The following CYFIP2 variants were observed in gnomAD, a reference collection of about 807,000 sequenced individuals.
CYFIP2 encodes the protein cytoplasmic FMR1 interacting protein 2.
In CYFIP2, 29 loss-of-function variants were observed where a neutral mutation model predicts 158.7. The ratio of observed to expected loss-of-function variants is 0.18; its 90% CI spans 0.14 to 0.25. The LOEUF (loss-of-function observed/expected upper bound fraction) is 0.25. Among genes scored for constraint, CYFIP2 ranks in the 10% least tolerant of loss-of-function variants. The pLI is 1.00. For missense variants in CYFIP2, 852 were observed against 1,639.5 expected, an observed-to-expected ratio of 0.52 and a Z score of 8.29; for synonymous variants, 585 against 617.6, an observed-to-expected ratio of 0.95 and a Z score of 0.78.
chr5:157,378,992 A>G (rs944423933), intron 26 of CYFIP2, among the ~76,000 whole-genome samples: 2 of 152,172 alleles, frequency 1.3e-5, no homozygotes, highest in African/African-American at 4.8e-5. Flanking sequence ...GATGAAAAAC[A>G]TCCTACTTGG....
At chr5:157,375,713 C>T (rs913260307) in intron 26 of CYFIP2, 3 of 151,176 alleles carry the variant, frequency 2.0e-5, no homozygotes, top group African/African-American at 4.9e-5. Context: ...ATTTTTCTTC[C>T]AGTATGGCCC....
chr5:157,380,911 C>T (rs928938220), intron 26 of CYFIP2, among the ~76,000 whole-genome samples: 14 of 152,086 alleles, frequency 9.2e-5, no homozygotes, highest in Admixed American at 3.3e-4. Flanking sequence ...AAACAAACAC[C>T]TCACTTAAGA....
At chr5:157,383,189 C>T in intron 27 of CYFIP2, 76 bp from the exon 28 acceptor site, 1 of 1,273,788 alleles carries the variant, frequency 7.9e-7, no homozygotes, top group Non-Finnish European at 1.1e-6. Flanking sequence ...ATCATCAGGT[C>T]CTTTGGGAGT....
At chr5:157,291,238 G>A (rs1198674943) in intron 3 of CYFIP2, among the ~76,000 whole-genome samples, 3 of 152,162 alleles carry the variant, frequency 2.0e-5, no homozygotes, top group African/African-American at 4.8e-5. Context: ...GGTTGAACAC[G>A]AATGATTCAG....
intron 4 of CYFIP2, 116 bp from the exon 5 acceptor site, chr5:157,296,557 G>A: frequency 2.2e-6 from 2 of 915,066 alleles, no homozygotes; most frequent in Non-Finnish European, 3.5e-6. Context: ...TCATGCCACT[G>A]CACTCTAGCC....
At chr5:157,278,898 T>C (rs1216271064) in intron 1 of CYFIP2, among the ~76,000 whole-genome samples, 1 of 152,236 alleles carries the variant, frequency 6.6e-6, no homozygotes. Context: ...AAATCCTCTC[T>C]GCCTTAATCC....
chr5:157,377,369 C>T (rs1385541251), intron 26 of CYFIP2, among the ~76,000 whole-genome samples: 1 of 152,028 alleles, frequency 6.6e-6, no homozygotes, highest in Non-Finnish European at 1.5e-5. Context: ...TGCTTTGGGG[C>T]CTTTGCAGGT....
chr5:157,374,043 C>T (rs1765236473), intron 26 of CYFIP2, among the ~76,000 whole-genome samples: 1 of 152,134 alleles, frequency 6.6e-6, no homozygotes, highest in Admixed American at 6.5e-5. Context: ...AAGTCAAATA[C>T]CACATGTACA....
chr5:157,377,295 C>T (rs1455311968), intron 26 of CYFIP2, among the ~76,000 whole-genome samples: 2 of 152,052 alleles, frequency 1.3e-5, no homozygotes. Flanking sequence ...TCTCACATCA[C>T]TTTCCTCTAG....
chr5:157,390,436 A>T, intron 29 of CYFIP2, 85 bp from the exon 30 acceptor site: 2 of 1,315,928 alleles, frequency 1.5e-6, no homozygotes, highest in Non-Finnish European at 2.1e-6. Context: ...TAGTAGCTGT[A>T]CTCCTGGCCC....
At chr5:157,304,636 C>A in intron 8 of CYFIP2, 1 of 227,086 alleles carries the variant, frequency 4.4e-6, no homozygotes, top group South Asian at 1.8e-4. Context: ...TAACATATCC[C>A]CTGTGGTTGG....
At chr5:157,359,444 A>G (rs949503582) in intron 24 of CYFIP2, among the ~76,000 whole-genome samples, 1 of 152,196 alleles carries the variant, frequency 6.6e-6, no homozygotes, top group Non-Finnish European at 1.5e-5. Context: ...AGCGCTTGCC[A>G]CTGACTGCTC....
At chr5:157,320,177 A>C (rs1760475413) in intron 14 of CYFIP2, among the ~76,000 whole-genome samples, 1 of 152,210 alleles carries the variant, frequency 6.6e-6, no homozygotes, top group African/African-American at 2.4e-5. Flanking sequence ...CCTCATTTGT[A>C]AAATGGGGAT....
intron 1 of CYFIP2, among the ~76,000 whole-genome samples, chr5:157,275,928 T>C (rs1432646205): frequency 2.0e-5 from 3 of 152,236 alleles, no homozygotes; most frequent in Non-Finnish European, 4.4e-5. Context: ...AGAACTGTTT[T>C]CTCCATTTTA....
rs1755585211 is a variant in CYFIP2 at position 157,266,292 on chromosome 5, CTCCCG to C, written c.-24+98_-24+102del. ...GAGGATGCGCGAAGGGCCGCCCCCTCTCCCGGCCCGCGGGGGGCGCTCGGCGCTGT... is the reference window on the plus strand; with the variant it reads ...GAGGATGCGCGAAGGGCCGCCCCCTCGCCCGCGGGGGGCGCTCGGCGCTGT... On this transcript the variant is annotated intron_variant, in intron 1 of 30. Transcript: ENST00000620254. This position sits in a 1 kb window ranked among gnomAD's most constrained non-coding sequence, Gnocchi z 4.2. The C allele has an allele frequency of 6.6e-6, 1 of 151,082 alleles. No individual in the cohort carries two copies. The highest frequency in any genetic ancestry group is 2.1e-4 in the South Asian group (1 of 4,834). 9.4% of individuals were successfully genotyped at this position (151,082 alleles called of 1,614,324 possible).
intron 23 of CYFIP2, among the ~76,000 whole-genome samples, chr5:157,351,338 C>T (rs1763056534): frequency 6.6e-6 from 1 of 152,102 alleles, no homozygotes; most frequent in Non-Finnish European, 1.5e-5. Flanking sequence ...AAGTTTACAC[C>T]CTGAATTGCA....
intron 23 of CYFIP2, among the ~76,000 whole-genome samples, chr5:157,352,387 G>T (rs148354604): frequency 1.5e-3 from 225 of 152,282 alleles, no homozygotes; most frequent in African/African-American, 5.0e-3. Flanking sequence ...TACACACCTG[G>T]ATGCCAACAC....
chr5:157,298,741 C>T (rs895674199), intron 5 of CYFIP2, among the ~76,000 whole-genome samples: 4 of 152,168 alleles, frequency 2.6e-5, no homozygotes, highest in East Asian at 1.9e-4. Context: ...AGTCTCAGCC[C>T]GAGGCAACCA....
rs371317258 is a variant in CYFIP2, at chr5:157,370,536, C to G, written c.3039+8938C>G. ...AGCCCTACTCCCTCTTTGATAAAAACAAGATTAGTAAATATTAGGTGCTAA... is the reference window on the plus strand; with the variant it reads ...AGCCCTACTCCCTCTTTGATAAAAAGAAGATTAGTAAATATTAGGTGCTAA... On this transcript the variant is annotated intron_variant, in intron 26 of 30. Coordinates refer to ENST00000620254, the MANE Select transcript of CYFIP2 (RefSeq NM_001037333.3). Among the ~76,000 whole-genome samples, 11 of 152,272 alleles carry G rather than the reference C, an allele frequency of 7.2e-5. 1 individual carries two copies. Among genetic ancestry groups the G allele is most frequent in the Admixed American group, 6.5e-4 (10 of 15,302 alleles).
Sources: allele counts gnomAD v4.1 joint callset (sites outside exome capture counted in the v4.1 genomes callset), GRCh38; gene constraint gnomAD v4.1.1; non-coding constraint Gnocchi (gnomAD v3.1); transcripts MANE v1.5; gene names NCBI Gene and HGNC (gene_info 2026-07-23, HGNC 2026-07-21).